The following PEAK1 variants were observed in gnomAD, a reference collection of about 807,000 sequenced individuals.
PEAK1 encodes inactive tyrosine-protein kinase PEAK1.
Under a neutral mutation model 124.7 loss-of-function variants are expected in PEAK1, and 54 were observed. That is an observed-to-expected ratio of 0.43 (90% CI 0.35 to 0.54). The LOEUF is 0.54. Ranked by LOEUF, PEAK1 falls within the 20% of genes least tolerant of loss-of-function variation. The pLI is 0.01. For missense variants in PEAK1, 2,046 were observed against 2,134.5 expected, an observed-to-expected ratio of 0.96 and a Z score of 0.82; for synonymous variants, 719 against 760.0, an observed-to-expected ratio of 0.95 and a Z score of 0.89.
At chr15:77,387,483 G>T (rs1482631317) in intron 1 of PEAK1, among the ~76,000 whole-genome samples, 1 of 152,170 alleles carries the variant, frequency 6.6e-6, no homozygotes, top group African/African-American at 2.4e-5. Context: ...AAAGTGATTT[G>T]CTCACAGCTG....
downstream of PEAK1, chr15:77,103,724 C>T (rs557937224): frequency 3.9e-5 from 6 of 152,208 alleles, no homozygotes; most frequent in Admixed American, 6.5e-5. Flanking sequence ...CACTTAGTTG[C>T]CTTTGTGGTT....
At chr15:77,325,286 T>A (rs2065495020) in intron 2 of PEAK1, among the ~76,000 whole-genome samples, 1 of 152,078 alleles carries the variant, frequency 6.6e-6, no homozygotes, top group Non-Finnish European at 1.5e-5. Context: ...GGCACACACC[T>A]GTATTCCCAG....
At chr15:77,202,466 A>C (rs972216001) in intron 6 of PEAK1, among the ~76,000 whole-genome samples, 1 of 152,190 alleles carries the variant, frequency 6.6e-6, no homozygotes, top group Non-Finnish European at 1.5e-5. Flanking sequence ...AATGTTATTA[A>C]GAAAATCATC....
intron 5 of PEAK1, among the ~76,000 whole-genome samples, chr15:77,282,838 T>C (rs1397510347): frequency 6.6e-6 from 1 of 152,158 alleles, no homozygotes; most frequent in Non-Finnish European, 1.5e-5. Flanking sequence ...AACTAGCTCC[T>C]GAGTTATCTC....
chr15:77,135,850 A>G (rs1467250358), intron 8 of PEAK1, among the ~76,000 whole-genome samples: 2 of 152,082 alleles, frequency 1.3e-5, no homozygotes, highest in Non-Finnish European at 2.9e-5. Flanking sequence ...AAGTCCAATA[A>G]ATCTCTTTCT....
At chr15:77,239,566 T>C (rs1453554408) in intron 6 of PEAK1, among the ~76,000 whole-genome samples, 1 of 152,234 alleles carries the variant, frequency 6.6e-6, no homozygotes, top group Non-Finnish European at 1.5e-5. Context: ...CATATGCTTA[T>C]TAAATGTTAG....
At chr15:77,261,198 T>G (rs2152938517) in intron 5 of PEAK1, among the ~76,000 whole-genome samples, 1 of 152,116 alleles carries the variant, frequency 6.6e-6, no homozygotes, top group South Asian at 2.1e-4. Context: ...CACTGAAAAT[T>G]CTAAAAATCA....
At chr15:77,222,352 A>C (rs2059427502) in intron 6 of PEAK1, among the ~76,000 whole-genome samples, 1 of 152,054 alleles carries the variant, frequency 6.6e-6, no homozygotes, top group African/African-American at 2.4e-5. Flanking sequence ...CCACTCAGTG[A>C]CAAGGATGTT....
chr15:77,169,786 T>C lies in PEAK1; in HGVS notation c.3137+9004A>G, dbSNP rs562523773. The stretch of plus-strand genomic sequence containing the variant: ...GTTGAATCATCCAACATTTTGGATG[T>C]TGGGGGTGAAGGAAACAGAAGAATC... On this transcript the variant is annotated intron_variant, in intron 7 of 9. Coordinates refer to ENST00000682557, the MANE Select transcript of PEAK1 (RefSeq NM_001385026.1). Among the ~76,000 whole-genome samples the C allele has an allele frequency of 6.2e-4, 94 of 152,194 alleles. 3 individuals carry two copies. Among genetic ancestry groups the C allele is most frequent in the Admixed American group, 5.4e-3 (83 of 15,270 alleles).
At chr15:77,287,313 G>A (rs918338376) in intron 2 of PEAK1, among the ~76,000 whole-genome samples, 3 of 152,042 alleles carry the variant, frequency 2.0e-5, no homozygotes, top group Non-Finnish European at 2.9e-5. Flanking sequence ...GAAATGATAC[G>A]AATTAAAAAA....
chr15:77,168,237 G>GCACACACACACACACACA (rs113937076), intron 7 of PEAK1, among the ~76,000 whole-genome samples: 7 of 147,178 alleles, frequency 4.8e-5, no homozygotes, highest in South Asian at 2.2e-4. Context: ...ATGTGCGCGC[G>GCACACACACACACACACA]CACACACACA....
At chr15:77,372,918 A>G (rs1371653537) in intron 1 of PEAK1, among the ~76,000 whole-genome samples, 5 of 152,166 alleles carry the variant, frequency 3.3e-5, no homozygotes, top group South Asian at 2.1e-4. Context: ...CGCCATGATT[A>G]TAAGTTTCCT....
intron 2 of PEAK1, among the ~76,000 whole-genome samples, chr15:77,358,539 C>T (rs919080914): frequency 2.0e-5 from 3 of 152,198 alleles, no homozygotes; most frequent in Non-Finnish European, 4.4e-5. Context: ...CCACCCTTTT[C>T]GAAACACTCT....
chr15:77,202,663 A>G (rs144270806), intron 6 of PEAK1, among the ~76,000 whole-genome samples: 5,048 of 150,480 alleles, frequency 0.034, 283 homozygotes, highest in African/African-American at 0.11. Flanking sequence ...CCAGCTACTC[A>G]GGAGGCTGAG....
chr15:77,180,661 T>G lies in PEAK1; in HGVS notation c.1266A>C (p.Glu422Asp), dbSNP rs2057203866. The change falls in exon 7 of 10, where the codon GAA becomes GAC. Residue 422 changes from glutamate to aspartate, a missense_variant. By Grantham distance (45) the Glu-to-Asp change is conservative. Coordinates refer to ENST00000682557, the MANE Select transcript of PEAK1 (RefSeq NM_001385026.1). Reference sequence around the variant, plus strand: ...GTACAGCAATCTTGCCATCTTTCTCTTCTAATCGGAGAGCAAGGACTGCTT... The same window carrying G: ...GTACAGCAATCTTGCCATCTTTCTCGTCTAATCGGAGAGCAAGGACTGCTT... Reference protein sequence around the residue: ...THKAVLALRLEEKDGKIAVQT... With the variant: ...THKAVLALRLDEKDGKIAVQT... 1 of 1,614,182 alleles carries G rather than the reference T, an allele frequency of 6.2e-7. No homozygotes were observed. The highest frequency in any genetic ancestry group is 8.5e-7 in the Non-Finnish European group (1 of 1,180,024).
At chr15:77,126,101 C>T (rs1163007143) in intron 9 of PEAK1, among the ~76,000 whole-genome samples, 1 of 152,164 alleles carries the variant, frequency 6.6e-6, no homozygotes, top group Non-Finnish European at 1.5e-5. Flanking sequence ...GACATTAGGA[C>T]ATCATTTTTT....
In PEAK1 at chr15:77,180,835, A is replaced by G; in HGVS notation, c.1092T>C (p.Ile364=). The part of the protein sequence containing the change: ...SETASSLSQK[I]CNGGLSPGNP... ...TACCAGGAGATAATCCCCCATTACAAATCTTCTGGGATAAACTACTGGCTG... is the reference window on the plus strand; with the variant it reads ...TACCAGGAGATAATCCCCCATTACAGATCTTCTGGGATAAACTACTGGCTG... Residue 364 remains isoleucine (I), a synonymous_variant, in exon 7 of 10, where the codon ATT becomes ATC. Transcript: ENST00000682557. The G allele has an allele frequency of 6.2e-7, 1 of 1,613,804 alleles. No individual in the cohort carries two copies. Among genetic ancestry groups the G allele is most frequent in the Non-Finnish European group, 8.5e-7 (1 of 1,179,876 alleles).
chr15:77,352,888 T>C, intron 2 of PEAK1: 1 of 985,428 alleles, frequency 1.0e-6, no homozygotes, highest in South Asian at 4.7e-5. Context: ...AGGATCAATG[T>C]GTGGACTAAA....
At chr15:77,152,653 G>C (rs538805268) in intron 8 of PEAK1, among the ~76,000 whole-genome samples, 1 of 152,140 alleles carries the variant, frequency 6.6e-6, no homozygotes, top group East Asian at 1.9e-4. Flanking sequence ...ATTATTTTGA[G>C]ATTTGTCCCA....
Sources: gnomAD v4.1 joint callset for allele counts (sites outside exome capture counted in the v4.1 genomes callset) on GRCh38, gnomAD v4.1.1 for gene constraint, MANE v1.5 for transcripts, NCBI Gene and HGNC (gene_info 2026-07-23, HGNC 2026-07-21) for gene names.